The following SND1 variants were observed in gnomAD, a reference collection of about 807,000 sequenced individuals.
The protein encoded by SND1 is staphylococcal nuclease domain-containing protein 1.
In SND1, 38 loss-of-function variants were observed where a neutral mutation model predicts 121.7. That is an observed-to-expected ratio of 0.31 (90% CI 0.24 to 0.41). SND1 has a LOEUF of 0.41. SND1 is among the 10% of genes least tolerant of loss of function. The probability of loss-of-function intolerance (pLI) is 1.00; values close to 1 mark genes in which losing one functional copy is unlikely to be tolerated. For synonymous variants in SND1, 401 were observed against 447.4 expected, an observed-to-expected ratio of 0.90 and a Z score of 1.31; for missense variants, 868 against 1,184.6, an observed-to-expected ratio of 0.73 and a Z score of 3.92.
chr7:127,971,909 A>AT (rs1465405888), intron 15 of SND1, among the ~76,000 whole-genome samples: 1 of 150,954 alleles, frequency 6.6e-6, no homozygotes, highest in African/African-American at 2.4e-5. Context: ...AGTAACTGGG[A>AT]TTACAGGTGC....
At chr7:128,054,611 G>A (rs1257737728) in intron 16 of SND1, among the ~76,000 whole-genome samples, 2 of 152,220 alleles carry the variant, frequency 1.3e-5, no homozygotes, top group Non-Finnish European at 2.9e-5. Flanking sequence ...TTTGACCAAA[G>A]AGCTTTTAAA....
chr7:128,034,116 C>T (rs1367673034), intron 16 of SND1, among the ~76,000 whole-genome samples: 4 of 151,402 alleles, frequency 2.6e-5, no homozygotes, highest in African/African-American at 9.8e-5. Context: ...CCTTCAAACC[C>T]TGAGTCCGAT....
intron 16 of SND1, among the ~76,000 whole-genome samples, chr7:128,053,369 G>A (rs1412842131): frequency 6.6e-6 from 1 of 152,134 alleles, no homozygotes; most frequent in African/African-American, 2.4e-5. Flanking sequence ...GCACTTAAGT[G>A]GAGAATTGCC....
chr7:127,717,305 A>G (rs1229461125), intron 9 of SND1, among the ~76,000 whole-genome samples: 3 of 152,086 alleles, frequency 2.0e-5, no homozygotes, highest in African/African-American at 4.8e-5. Flanking sequence ...ACCACATTGC[A>G]TTTAGTTGTC....
In SND1 at chr7:127,700,825, G is replaced by A. The variant is rs182740285; in HGVS notation, c.429-338G>A. On this transcript the variant is annotated intron_variant, in intron 4 of 23. Coordinates refer to ENST00000354725, the MANE Select transcript of SND1 (RefSeq NM_014390.4). ...GCCTGGGATTCCAGTTCCTGAATCC[G>A]GGATGGTTAAATGAAGCTCTACCAC... Among the ~76,000 whole-genome samples, 59 of 152,288 alleles carry A rather than the reference G, an allele frequency of 3.9e-4. 1 individual carries two copies. In the South Asian group the frequency reaches 0.012, roughly 30 times the overall value.
chr7:127,969,764 A>G (rs1204346462), intron 15 of SND1, among the ~76,000 whole-genome samples: 1 of 152,186 alleles, frequency 6.6e-6, no homozygotes, highest in Non-Finnish European at 1.5e-5. Context: ...CCAGCTTTGT[A>G]AATTCAGTGA....
intron 16 of SND1, chr7:128,027,781 TTC>T (rs1488981608): frequency 6.6e-6 from 1 of 152,186 alleles, no homozygotes; most frequent in Non-Finnish European, 1.5e-5. Flanking sequence ...TGTGAATACA[TTC>T]TCTCTGCTTT....
chr7:127,846,281 T>C (rs1799060865), intron 12 of SND1, among the ~76,000 whole-genome samples: 1 of 152,228 alleles, frequency 6.6e-6, no homozygotes, highest in Admixed American at 6.5e-5. Flanking sequence ...GTAAAATTTT[T>C]TTTTTAGAAG....
chr7:127,743,249 T>C (rs1380828182), intron 10 of SND1, among the ~76,000 whole-genome samples: 4 of 152,206 alleles, frequency 2.6e-5, no homozygotes, highest in Non-Finnish European at 5.9e-5. Flanking sequence ...GGTCATTAGG[T>C]ACATGTTTGA....
intron 9 of SND1, among the ~76,000 whole-genome samples, chr7:127,717,192 T>G (rs954874105): frequency 5.9e-5 from 9 of 152,232 alleles, no homozygotes; most frequent in African/African-American, 2.2e-4. Flanking sequence ...GAGTATTGTA[T>G]TTTTGTTATA....
intron 12 of SND1, among the ~76,000 whole-genome samples, chr7:127,882,415 AAAG>A (rs1374502684): frequency 9.1e-5 from 10 of 109,456 alleles, no homozygotes; most frequent in Non-Finnish European, 2.0e-4. Context: ...ACGGAGGAGA[AAAG>A]AGGAGAGGAG....
At chr7:128,067,505 G>T (rs1011775804) in intron 16 of SND1, among the ~76,000 whole-genome samples, 1 of 152,150 alleles carries the variant, frequency 6.6e-6, no homozygotes, top group Non-Finnish European at 1.5e-5. Context: ...ACCCCACTTT[G>T]TGCAGTGACT....
At chr7:127,994,682 T>C (rs1002029027) in intron 16 of SND1, among the ~76,000 whole-genome samples, 7 of 151,412 alleles carry the variant, frequency 4.6e-5, no homozygotes, top group Non-Finnish European at 1.0e-4. Flanking sequence ...AAAGTTTCAT[T>C]GAAACACAGC....
At chr7:128,006,441 C>T (rs1023889717) in intron 16 of SND1, among the ~76,000 whole-genome samples, 2 of 152,200 alleles carry the variant, frequency 1.3e-5, no homozygotes, top group Admixed American at 1.3e-4. Context: ...AGCTGCCACA[C>T]ACTTACATGC....
intron 13 of SND1, among the ~76,000 whole-genome samples, chr7:127,893,361 A>T (rs971416954): frequency 6.6e-6 from 1 of 152,112 alleles, no homozygotes; most frequent in Non-Finnish European, 1.5e-5. Context: ...TACATGGGGG[A>T]TATCATCTAT....
At chr7:127,798,046 G>A (rs950904441) in intron 10 of SND1, among the ~76,000 whole-genome samples, 10 of 152,114 alleles carry the variant, frequency 6.6e-5, no homozygotes, top group Non-Finnish European at 1.3e-4. Context: ...CTCTTTAGAC[G>A]CAGATTTTTT....
chr7:127,960,863 A>G (rs1801714489), intron 15 of SND1, among the ~76,000 whole-genome samples: 1 of 152,254 alleles, frequency 6.6e-6, no homozygotes, highest in Admixed American at 6.5e-5. Flanking sequence ...GTGAGTTTCA[A>G]TACTATTCTG....
intron 15 of SND1, among the ~76,000 whole-genome samples, chr7:127,947,995 G>A (rs1353353527): frequency 6.6e-6 from 1 of 152,148 alleles, no homozygotes; most frequent in African/African-American, 2.4e-5. Flanking sequence ...CAAGGAGACT[G>A]CTACTTTTGG....
chr7:127,763,803 C>T (rs950466831), intron 10 of SND1, among the ~76,000 whole-genome samples: 3 of 151,828 alleles, frequency 2.0e-5, no homozygotes, highest in African/African-American at 4.8e-5. Context: ...TCTAGAAAAG[C>T]GTAGGGCCAG....
Sources: allele counts gnomAD v4.1 joint callset (sites outside exome capture counted in the v4.1 genomes callset), GRCh38; gene constraint gnomAD v4.1.1; transcripts MANE v1.5; gene names NCBI Gene and HGNC (gene_info 2026-07-23, HGNC 2026-07-21).